The following MYO1D variants were observed in gnomAD, a reference collection of about 807,000 sequenced individuals.
MYO1D encodes myosin ID.
In MYO1D, 83 loss-of-function variants were observed where a neutral mutation model predicts 122.0. The ratio of observed to expected loss-of-function variants is 0.68; its 90% confidence interval spans 0.57 to 0.82. The LOEUF (loss-of-function observed/expected upper bound fraction) is 0.82, where lower values mean the gene tolerates loss of function less well. MYO1D is among the 40% of genes least tolerant of loss of function. The pLI, the probability that MYO1D is intolerant of heterozygous loss-of-function variation, is 0.00. For synonymous variants in MYO1D, 464 were observed against 446.9 expected (o/e 1.04, Z -0.48); for missense variants, 1,157 against 1,269.5 (o/e 0.91, Z 1.35).
At chr17:32,725,374 G>C (rs2089559718) in intron 14 of MYO1D, among the ~76,000 whole-genome samples, 1 of 151,974 alleles carries the variant, frequency 6.6e-6, no homozygotes, top group Non-Finnish European at 1.5e-5. Flanking sequence ...CAAAAAATTA[G>C]CTGGGCATGG....
intron 1 of MYO1D, among the ~76,000 whole-genome samples, chr17:32,831,334 T>A (rs1023298582): frequency 6.6e-6 from 1 of 152,168 alleles, no homozygotes; most frequent in Admixed American, 6.5e-5. Context: ...CACGCTGAGT[T>A]TTTACTGCAA....
chr17:32,618,946 A>G (rs977179828), intron 20 of MYO1D, among the ~76,000 whole-genome samples: 11 of 152,016 alleles, frequency 7.2e-5, no homozygotes, highest in African/African-American at 2.7e-4. Context: ...CTCCTCCATT[A>G]ATTTAAATGC....
chr17:32,847,958 CACTA>C (rs1477356036), intron 1 of MYO1D, among the ~76,000 whole-genome samples: 3 of 152,200 alleles, frequency 2.0e-5, no homozygotes, highest in Non-Finnish European at 2.9e-5. Context: ...CTGAAAAAGG[CACTA>C]ACTGAGAAGC....
intron 21 of MYO1D, among the ~76,000 whole-genome samples, chr17:32,538,070 A>C: frequency 6.6e-6 from 1 of 151,926 alleles, no homozygotes; most frequent in Non-Finnish European, 1.5e-5. Context: ...GAAGCTCCTT[A>C]CTCTTCATGA....
At chr17:32,703,938 C>T (rs920444616) in intron 16 of MYO1D, among the ~76,000 whole-genome samples, 13 of 152,042 alleles carry the variant, frequency 8.6e-5, no homozygotes, top group African/African-American at 3.1e-4. Context: ...ACCAGAAAGG[C>T]CCAGGTTGAA....
intron 21 of MYO1D, among the ~76,000 whole-genome samples, chr17:32,574,649 CTAACT>C (rs2087262079): frequency 6.6e-6 from 1 of 152,104 alleles, no homozygotes; most frequent in Admixed American, 6.6e-5. Flanking sequence ...TCTTTGGCAC[CTAACT>C]TATGTAGAAA....
chr17:32,845,131 T>C (rs1461554689), intron 1 of MYO1D, among the ~76,000 whole-genome samples: 2 of 152,150 alleles, frequency 1.3e-5, no homozygotes, highest in Non-Finnish European at 2.9e-5. Context: ...TTTGCTTTCC[T>C]CTTTGTAACT....
At chr17:32,709,562 A>T (rs1401216595) in intron 16 of MYO1D, among the ~76,000 whole-genome samples, 1 of 152,204 alleles carries the variant, frequency 6.6e-6, no homozygotes, top group Non-Finnish European at 1.5e-5. Context: ...GAACTGAATG[A>T]AAGCAACATT....
intron 13 of MYO1D, 127 bp downstream of exon 13, chr17:32,745,084 G>A (rs2089817956): frequency 1.6e-6 from 1 of 626,616 alleles, no homozygotes; most frequent in East Asian, 3.1e-5. Context: ...TATTTATTAA[G>A]TCTGATAAAG....
chr17:32,861,814 T>C (rs1159555577), intron 1 of MYO1D, among the ~76,000 whole-genome samples: 1 of 152,004 alleles, frequency 6.6e-6, no homozygotes, highest in Non-Finnish European at 1.5e-5. Context: ...GCTCACAAGT[T>C]TGAGACCAGC....
chr17:32,748,034 C>T lies in MYO1D; in HGVS notation c.1538+902G>A, dbSNP rs180987344. On this transcript the variant is annotated intron_variant, in intron 12 of 21. Coordinates refer to ENST00000318217, the MANE Select transcript of MYO1D (RefSeq NM_015194.3). ...GCCCTGCTGACATCTTGATTTTGAACTTTTGAACTCCAGAACTGTGAAAGA... is the reference window on the plus strand; with the variant it reads ...GCCCTGCTGACATCTTGATTTTGAATTTTTGAACTCCAGAACTGTGAAAGA... Among the ~76,000 whole-genome samples, 93 of 152,196 alleles carry T rather than the reference C, an allele frequency of 6.1e-4. 1 individual carries two copies. The highest frequency in any genetic ancestry group is 5.2e-3 in the Admixed American group (79 of 15,300).
intron 21 of MYO1D, among the ~76,000 whole-genome samples, chr17:32,522,912 G>C (rs1462872150): frequency 1.3e-5 from 2 of 150,608 alleles, no homozygotes; most frequent in Non-Finnish European, 2.9e-5. Context: ...CGCCTCCTGG[G>C]TTCACGCCAT....
At chr17:32,596,899 A>T (rs1288561056) in intron 21 of MYO1D, among the ~76,000 whole-genome samples, 2 of 152,228 alleles carry the variant, frequency 1.3e-5, no homozygotes, top group Non-Finnish European at 2.9e-5. Context: ...AAAGCTCAGT[A>T]CCAGCAGGTA....
intron 21 of MYO1D, among the ~76,000 whole-genome samples, chr17:32,503,223 C>A (rs918768900): frequency 4.6e-5 from 7 of 152,200 alleles, no homozygotes; most frequent in Admixed American, 3.3e-4. Context: ...TGAATCAGCC[C>A]AGAAAACATC....
At chr17:32,869,621 G>A (rs1263709383) in intron 1 of MYO1D, among the ~76,000 whole-genome samples, 2 of 152,210 alleles carry the variant, frequency 1.3e-5, no homozygotes, top group East Asian at 3.8e-4. Context: ...TCACACTTAG[G>A]TGAGAATGTC....
chr17:32,864,340 T>C (rs1401596141), intron 1 of MYO1D, among the ~76,000 whole-genome samples: 1 of 151,918 alleles, frequency 6.6e-6, no homozygotes, highest in South Asian at 2.1e-4. Flanking sequence ...AGATTTGCTG[T>C]GTAAAGGCAT....
chr17:32,822,550 T>TCCGGGC (rs2090679156), intron 1 of MYO1D, among the ~76,000 whole-genome samples: 1 of 149,262 alleles, frequency 6.7e-6, no homozygotes, highest in African/African-American at 2.4e-5. Context: ...CCGGGGCGGC[T>TCCGGGC]CGGGACGGGG....
At chr17:32,597,040 G>A (rs1169506319) in intron 21 of MYO1D, among the ~76,000 whole-genome samples, 1 of 152,196 alleles carries the variant, frequency 6.6e-6, no homozygotes, top group African/African-American at 2.4e-5. Context: ...AGACCATACA[G>A]AAAGATAATA....
At chr17:32,583,073 T>C (rs1476663350) in intron 21 of MYO1D, among the ~76,000 whole-genome samples, 1 of 152,242 alleles carries the variant, frequency 6.6e-6, no homozygotes, top group East Asian at 1.9e-4. Context: ...GTGAGTCTTC[T>C]GGGAATAAAC....
Sources: allele counts gnomAD v4.1 joint callset (sites outside exome capture counted in the v4.1 genomes callset), GRCh38; gene constraint gnomAD v4.1.1; transcripts MANE v1.5; gene names NCBI Gene and HGNC (gene_info 2026-07-23, HGNC 2026-07-21).